Variants in PROSER2 observed in about 807,000 individuals in gnomAD.
PROSER2 encodes proline and serine-rich protein 2.
Under a neutral mutation model 14.6 loss-of-function variants are expected in PROSER2, and 18 were observed. The observed-to-expected ratio is 1.23, with a 90% CI of 0.85 to 1.83. The LOEUF (loss-of-function observed/expected upper bound fraction) is 1.83. Ranked by LOEUF, PROSER2 falls within the 40% of genes most tolerant of loss-of-function variation. PROSER2 has a pLI of 0.00. For synonymous variants in PROSER2, 367 were observed against 286.4 expected, an observed-to-expected ratio of 1.28 and a Z score of -2.84; for missense variants, 823 against 629.8, an observed-to-expected ratio of 1.31 and a Z score of -3.28.
Position 11,852,064 on chromosome 10 carries a change from A to G in PROSER2, c.-14A>G, listed in dbSNP as rs1324721538. 5.0e-6 allele frequency: 8 copies of G among 1,600,178 alleles called. No individual in the cohort carries two copies. Among genetic ancestry groups the G allele is most frequent in the Non-Finnish European group, 6.8e-6 (8 of 1,172,490 alleles). Reference sequence around the variant, plus strand: ...GCTTCCTGTGATCGAGCCGGCCCTGAGGACTCTGTGGAGATGCCTGTAACC... The same window carrying G: ...GCTTCCTGTGATCGAGCCGGCCCTGGGGACTCTGTGGAGATGCCTGTAACC... On this transcript the variant is annotated 5_prime_UTR_variant, in exon 2 of 4. Transcript: ENST00000277570.
At chr10:11,858,367 G>A (rs959818433) in intron 2 of PROSER2, among the ~76,000 whole-genome samples, 1 of 152,138 alleles carries the variant, frequency 6.6e-6, no homozygotes, top group African/African-American at 2.4e-5. Flanking sequence ...AGGACTTCTC[G>A]ACCTGTTGCT....
intron 2 of PROSER2, among the ~76,000 whole-genome samples, chr10:11,855,174 A>C (rs923064031): frequency 2.6e-5 from 3 of 115,782 alleles, no homozygotes; most frequent in African/African-American, 9.6e-5. Context: ...AGCAAACGTT[A>C]TTCTTAAAAG....
Position 11,866,620 on chromosome 10 carries a change from T to C in PROSER2, c.228T>C (p.Phe76=). Residue 76 remains phenylalanine, a synonymous_variant, in exon 3 of 4, where the codon TTT becomes TTC. Coordinates refer to ENST00000277570, the MANE Select transcript of PROSER2 (RefSeq NM_153256.4). The surrounding 1 kb of genome is among the most constrained non-coding windows in gnomAD (Gnocchi z 6.0). The part of the protein sequence containing the change: ...EETIDSLDED[F]EEPVLCDGGV... ...CGATTGACTCCCTAGACGAGGACTT[T>C]GAGGAGCCAGTGCTGTGCGATGGAG... 6.2e-7 allele frequency: 1 copy of C among 1,614,142 alleles called. No homozygotes were observed. The highest frequency in any genetic ancestry group is 1.7e-4 in the Middle Eastern group (1 of 6,060).
In PROSER2 at chr10:11,870,598, C is replaced by T. The variant is rs1834467379; in HGVS notation, c.*192C>T. On this transcript the variant is annotated 3_prime_UTR_variant, in exon 4 of 4. Coordinates refer to ENST00000277570, the MANE Select transcript of PROSER2 (RefSeq NM_153256.4). ...AGCACGCACCGCAAGCTCCAGCCAC[C>T]GGCACAGAGAACTCTTCCCTAAAGG... 2.1e-6 allele frequency: 1 copy of T among 486,890 alleles called. No homozygotes were observed. The highest frequency in any genetic ancestry group is 4.0e-5 in the South Asian group (1 of 25,262). 30.2% of individuals were successfully genotyped at this position (486,890 alleles called of 1,614,324 possible). A position where few individuals can be genotyped will look rare whatever the true frequency, so the allele number is the denominator to read the frequency against.
At chr10:11,852,866 A>G (rs935121626) in intron 2 of PROSER2, among the ~76,000 whole-genome samples, 4 of 126,640 alleles carry the variant, frequency 3.2e-5, no homozygotes, top group Non-Finnish European at 5.3e-5. Context: ...GCGCCCGGCC[A>G]CTCAAGCTGA....
At chr10:11,834,276 A>AG (rs1050484358) in intron 1 of PROSER2, among the ~76,000 whole-genome samples, 2 of 147,660 alleles carry the variant, frequency 1.4e-5, no homozygotes, top group Non-Finnish European at 3.0e-5. Flanking sequence ...TACAGGCGTG[A>AG]GCCACCGCGC....
intron 1 of PROSER2, among the ~76,000 whole-genome samples, chr10:11,843,151 A>G (rs1833873586): frequency 1.4e-5 from 2 of 148,134 alleles, no homozygotes; most frequent in South Asian, 4.4e-4. Context: ...CATGTTAGCC[A>G]GGATGGTCTT....
chr10:11,853,803 C>A (rs919062046), intron 2 of PROSER2, among the ~76,000 whole-genome samples: 2 of 152,104 alleles, frequency 1.3e-5, no homozygotes, highest in Non-Finnish European at 2.9e-5. Context: ...ACATTCCTTC[C>A]TCCTCCCTAC....
chr10:11,830,034 G>T lies in PROSER2; in HGVS notation c.-82+6564G>T, dbSNP rs185812174. On this transcript the variant is annotated intron_variant, in intron 1 of 3. Coordinates refer to ENST00000277570, the MANE Select transcript of PROSER2 (RefSeq NM_153256.4). This position sits in a 1 kb window ranked among gnomAD's most constrained non-coding sequence, Gnocchi z 4.5. Reference sequence around the variant, plus strand: ...AATTTTTGCATTTTAGTAGAGACGGGGTTTTGCCATGTTGGCCATGCTGGT... The same window carrying T: ...AATTTTTGCATTTTAGTAGAGACGGTGTTTTGCCATGTTGGCCATGCTGGT... 3.1e-3 allele frequency among the ~76,000 whole-genome samples: 476 copies of T among 151,788 alleles called. No individual in the cohort carries two copies. Among genetic ancestry groups the T allele is most frequent in the Non-Finnish European group, 4.4e-3 (297 of 67,950 alleles).
intron 3 of PROSER2, among the ~76,000 whole-genome samples, chr10:11,868,969 C>CAGAT (rs879465686): frequency 1.3e-5 from 2 of 152,170 alleles, no homozygotes; most frequent in Non-Finnish European, 2.9e-5. Context: ...TATTGAGAGA[C>CAGAT]AGATGCATAA....
At chr10:11,825,828 C>T (rs1833604501) in intron 1 of PROSER2, among the ~76,000 whole-genome samples, 2 of 152,150 alleles carry the variant, frequency 1.3e-5, no homozygotes, top group Non-Finnish European at 2.9e-5. Context: ...TAGGTATTGC[C>T]AGAGACTGTA....
Position 11,869,345 on chromosome 10 carries a change from G to A in PROSER2, c.392-145G>A. The A allele has an allele frequency of 1.6e-6, 1 of 644,042 alleles. No homozygotes were observed. Among genetic ancestry groups the A allele is most frequent in the Non-Finnish European group, 2.8e-6 (1 of 354,804 alleles). The allele number at this position is 644,042 out of a possible 1,614,324, so 39.9% of individuals were successfully genotyped here. On this transcript the variant is annotated intron_variant, in intron 3 of 3. Coordinates refer to ENST00000277570, the MANE Select transcript of PROSER2 (RefSeq NM_153256.4). The surrounding 1 kb of genome is among the most constrained non-coding windows in gnomAD (Gnocchi z 4.4). ...TTCTCCTTCCCTAGTCCCAGGAACA[G>A]GGAGAGAGGAGTTGACTCACAGGCA...
rs1322545376 is a variant in PROSER2 at position 11,836,056 on chromosome 10, G to A, written c.-82+12586G>A. 6.6e-6 allele frequency among the ~76,000 whole-genome samples: 1 copy of A among 152,096 alleles called. No individual in the cohort carries two copies. The highest frequency in any genetic ancestry group is 2.4e-5 in the African/African-American group (1 of 41,402). ...GGCTTTATTTATTTATCTAGAGACA[G>A]AGTCTCACTCTGTCGCCCAGGCTGC... On this transcript the variant is annotated intron_variant, in intron 1 of 3. Coordinates refer to ENST00000277570, the MANE Select transcript of PROSER2 (RefSeq NM_153256.4). The surrounding 1 kb of genome is among the most constrained non-coding windows in gnomAD (Gnocchi z 4.6).
chr10:11,841,055 T>C (rs1833839951), intron 1 of PROSER2, among the ~76,000 whole-genome samples: 1 of 147,204 alleles, frequency 6.8e-6, no homozygotes, highest in Admixed American at 6.8e-5. Context: ...TATTTGTTCC[T>C]TGAATGTTTG....
chr10:11,869,651 C>T lies in PROSER2; in HGVS notation c.553C>T (p.Pro185Ser), dbSNP rs765065107. ...LRAPSPPVEH[P>S]RLLRSVPTPL... ...CGCCCCCTCCCCGCCGGTGGAGCAC[C>T]CCAGACTCCTGCGCTCTGTTCCCAC... The change falls in exon 4 of 4, where the codon CCC (proline) becomes TCC (serine). Residue 185 changes from proline (P) to serine (S), a missense_variant. By Grantham distance (74) the Pro-to-Ser change is moderately conservative. Coordinates refer to ENST00000277570, the MANE Select transcript of PROSER2 (RefSeq NM_153256.4). The surrounding 1 kb of genome is among the most constrained non-coding windows in gnomAD (Gnocchi z 4.4). 1.1e-5 allele frequency: 18 copies of T among 1,601,892 alleles called. No homozygotes were observed. Among genetic ancestry groups the T allele is most frequent in the Middle Eastern group, 1.7e-4 (1 of 6,038 alleles).
chr10:11,831,923 G>T (rs1165628921), intron 1 of PROSER2: 2 of 152,106 alleles, frequency 1.3e-5, no homozygotes, highest in African/African-American at 4.8e-5. Flanking sequence ...TATTAACACA[G>T]CTGAAACTAT....
chr10:11,829,296 A>T (rs917756618), intron 1 of PROSER2, among the ~76,000 whole-genome samples: 35 of 151,598 alleles, frequency 2.3e-4, no homozygotes, highest in Non-Finnish European at 1.0e-4. Context: ...TTTTAAAAGT[A>T]TTACATACCC....
Position 11,823,459 on chromosome 10 carries a change from G to T in PROSER2, c.-93G>T, listed in dbSNP as rs992667428. 1 of 154,408 alleles carries T rather than the reference G, an allele frequency of 6.5e-6. No individual in the cohort carries two copies. The highest frequency in any genetic ancestry group is 2.4e-5 in the African/African-American group (1 of 41,220). The allele number at this position is 154,408 out of a possible 1,614,324, so 9.6% of individuals were successfully genotyped here. On this transcript the variant is annotated 5_prime_UTR_variant, in exon 1 of 4. Transcript: ENST00000277570. This position sits in a 1 kb window ranked among gnomAD's most constrained non-coding sequence, Gnocchi z 6.2. ...TGGACACCTGAGTCCCGGGGTAGGG[G>T]TCTCCCGCGAGGTGAGTGGGGCCCT...
chr10:11,853,002 G>C (rs1482099744), intron 2 of PROSER2, among the ~76,000 whole-genome samples: 1 of 152,142 alleles, frequency 6.6e-6, no homozygotes, highest in Non-Finnish European at 1.5e-5. Context: ...TCCCCGGTGA[G>C]GACATTCATC....
Sources: allele counts gnomAD v4.1 joint callset (sites outside exome capture counted in the v4.1 genomes callset), GRCh38; gene constraint gnomAD v4.1.1; non-coding constraint Gnocchi (gnomAD v3.1); transcripts MANE v1.5; gene names NCBI Gene and HGNC (gene_info 2026-07-23, HGNC 2026-07-21).